The following KLHDC4 variants were observed in gnomAD, a reference collection of about 807,000 sequenced individuals.
KLHDC4 encodes the protein kelch domain-containing protein 4.
A neutral mutation model predicts 62.4 loss-of-function variants in KLHDC4; 90 were observed. The observed-to-expected ratio is 1.44, with a 90% CI of 1.22 to 1.72. KLHDC4 has a LOEUF of 1.72. KLHDC4 is among the 40% of genes most tolerant of loss of function. KLHDC4 has a pLI of 0.00. For missense variants in KLHDC4, 1,025 were observed against 699.7 expected (o/e 1.47, Z -5.25); for synonymous variants, 386 against 284.4 (o/e 1.36, Z -3.59).
intron 7 of KLHDC4, among the ~76,000 whole-genome samples, chr16:87,723,410 C>G (rs1010155354): frequency 6.6e-6 from 1 of 152,366 alleles, no homozygotes; most frequent in African/African-American, 2.4e-5. Flanking sequence ...GAGAATGACA[C>G]GCGACTCTGA....
chr16:87,722,209 T>A (rs2038506928), intron 7 of KLHDC4, among the ~76,000 whole-genome samples: 1 of 152,228 alleles, frequency 6.6e-6, no homozygotes, highest in Admixed American at 6.5e-5. Context: ...GGACCCAGAC[T>A]GACTCGGAAT....
At chr16:87,753,474 C>A (rs1254000964) in intron 4 of KLHDC4, among the ~76,000 whole-genome samples, 1 of 152,132 alleles carries the variant, frequency 6.6e-6, no homozygotes, top group East Asian at 1.9e-4. Context: ...CACCTCAGGA[C>A]AAAATGCAAC....
chr16:87,725,138 G>A (rs573669408), intron 7 of KLHDC4, among the ~76,000 whole-genome samples: 2 of 152,294 alleles, frequency 1.3e-5, no homozygotes, highest in Admixed American at 6.5e-5. Flanking sequence ...GATCTATTAC[G>A]GTGGGAAAAT....
In KLHDC4 at chr16:87,761,482, C is replaced by A. The variant is rs143336399; in HGVS notation, c.191+467G>T. On this transcript the variant is annotated intron_variant, in intron 2 of 11. Coordinates refer to ENST00000270583, the MANE Select transcript of KLHDC4 (RefSeq NM_017566.4). The stretch of plus-strand genomic sequence containing the variant: ...ACACGTGTATGAAATCCTACAGACT[C>A]GGAACGTTTTTACGTAATTTTCAAA... Among the ~76,000 whole-genome samples, 415 of 152,270 alleles carry A rather than the reference C, an allele frequency of 2.7e-3. 2 individuals are homozygous for A. The highest frequency in any genetic ancestry group is 0.027 in the Middle Eastern group (8 of 294).
chr16:87,723,443 G>A (rs947498601), intron 7 of KLHDC4, among the ~76,000 whole-genome samples: 1 of 152,272 alleles, frequency 6.6e-6, no homozygotes, highest in Non-Finnish European at 1.5e-5. Flanking sequence ...AGCTTAGCCG[G>A]TCTGGCTGTT....
intron 5 of KLHDC4, among the ~76,000 whole-genome samples, chr16:87,739,239 C>A (rs2041863859): frequency 7.4e-6 from 1 of 135,556 alleles, no homozygotes; most frequent in Non-Finnish European, 1.6e-5. Context: ...CACACACCAG[C>A]ACCTCATCCA....
At chr16:87,756,300 A>G in intron 3 of KLHDC4, 99 bp downstream of exon 3, 3 of 875,636 alleles carry the variant, frequency 3.4e-6, no homozygotes, top group South Asian at 2.8e-5. Flanking sequence ...ACAAGGGGTG[A>G]AGGGGCTAAC....
chr16:87,732,744 A>G (rs1228929845), intron 5 of KLHDC4, among the ~76,000 whole-genome samples: 1 of 152,112 alleles, frequency 6.6e-6, no homozygotes, highest in Non-Finnish European at 1.5e-5. Context: ...GGCAGGTCCA[A>G]AGCAAATCCT....
chr16:87,756,385 A>T lies in KLHDC4; in HGVS notation c.270+14T>A, dbSNP rs771105491. 4 of 1,589,000 alleles carry T rather than the reference A, an allele frequency of 2.5e-6. No homozygotes were observed. The highest frequency in any genetic ancestry group is 3.5e-6 in the Non-Finnish European group (4 of 1,157,696). On this transcript the variant is annotated intron_variant, in intron 3 of 11. Transcript: ENST00000270583. ...ACGCAACATGGGAAGAAAAGAAAAAAATATATACTTTACTTTTTGGCCGTT... is the reference window on the plus strand; with the variant it reads ...ACGCAACATGGGAAGAAAAGAAAAATATATATACTTTACTTTTTGGCCGTT...
intron 1 of KLHDC4, among the ~76,000 whole-genome samples, chr16:87,764,370 G>A (rs182012887): frequency 9.9e-4 from 151 of 152,130 alleles, no homozygotes; most frequent in East Asian, 1.5e-3. Flanking sequence ...GGTAACTGGC[G>A]GGGCAAGGTG....
intron 8 of KLHDC4, among the ~76,000 whole-genome samples, chr16:87,711,756 C>G (rs998092364): frequency 1.3e-5 from 2 of 152,360 alleles, no homozygotes; most frequent in East Asian, 3.9e-4. Flanking sequence ...GCTAGACACA[C>G]AGAGGGGCTT....
At chr16:87,721,205 G>C (rs1303775476) in intron 7 of KLHDC4, among the ~76,000 whole-genome samples, 1 of 152,174 alleles carries the variant, frequency 6.6e-6, no homozygotes, top group Non-Finnish European at 1.5e-5. Context: ...CGGATCACAA[G>C]GTCAGGAGAT....
intron 7 of KLHDC4, among the ~76,000 whole-genome samples, chr16:87,718,933 G>A (rs971337116): frequency 2.0e-5 from 3 of 152,026 alleles, no homozygotes; most frequent in Admixed American, 6.5e-5. Flanking sequence ...TCTGGGAGGT[G>A]AGGAGCGTCT....
intron 9 of KLHDC4, 180 bp from the exon 10 acceptor site, chr16:87,709,847 C>A (rs1457181884): frequency 2.9e-6 from 2 of 688,698 alleles, no homozygotes; most frequent in Non-Finnish European, 4.8e-6. Context: ...CAGGAGCACG[C>A]TCCTGTCTCC....
intron 7 of KLHDC4, among the ~76,000 whole-genome samples, chr16:87,719,683 C>CAA (rs1441645641): frequency 6.7e-6 from 1 of 148,304 alleles, no homozygotes; most frequent in Non-Finnish European, 1.5e-5. Flanking sequence ...AAAAAAAAAA[C>CAA]AAAAAACTGA....
intron 7 of KLHDC4, among the ~76,000 whole-genome samples, chr16:87,717,701 T>C (rs774255645): frequency 4.6e-5 from 7 of 152,204 alleles, no homozygotes; most frequent in Admixed American, 6.5e-5. Flanking sequence ...CCTAGCATTA[T>C]TGTGAACTGA....
chr16:87,741,088 G>A (rs745989387), intron 5 of KLHDC4: 1 of 152,200 alleles, frequency 6.6e-6, no homozygotes, highest in Non-Finnish European at 1.5e-5. Context: ...TCAAGTATAT[G>A]TGTCTGTTGC....
At chr16:87,707,470 C>T (rs559786546), downstream of KLHDC4, among the ~76,000 whole-genome samples, 4 of 152,204 alleles carry the variant, frequency 2.6e-5, no homozygotes, top group South Asian at 2.1e-4. Flanking sequence ...ACGAGACCCC[C>T]GTGTGCAGCC....
exon 1 of KLHDC4, chr16:87,700,742 G>A (rs1262367339): frequency 4.8e-6 from 1 of 208,214 alleles, no homozygotes; most frequent in African/African-American, 3.0e-5. Context: ...CGGAGGGGAG[G>A]AGGATGCAGG....
Sources: gnomAD v4.1 joint callset for allele counts (sites outside exome capture counted in the v4.1 genomes callset) on GRCh38, gnomAD v4.1.1 for gene constraint, MANE v1.5 for transcripts, NCBI Gene and HGNC (gene_info 2026-07-23, HGNC 2026-07-21) for gene names.